Variants in DIS3L2 observed in about 807,000 individuals in gnomAD.
DIS3L2 encodes the protein DIS3 like 3'-5' exoribonuclease 2, also known as DIS3-like exonuclease 2.
A neutral mutation model predicts 97.5 loss-of-function variants in DIS3L2; 34 were observed. The ratio of observed to expected loss-of-function variants is 0.35; its 90% CI spans 0.27 to 0.46. The LOEUF is 0.46. Ranked by LOEUF, DIS3L2 falls within the 20% of genes least tolerant of loss-of-function variation. The pLI is 1.00. For synonymous variants in DIS3L2, 435 were observed against 445.2 expected (o/e 0.98, Z 0.29); for missense variants, 1,038 against 1,146.0 (o/e 0.91, Z 1.36).
At chr2:232,194,367 A>G (rs983990417) in intron 9 of DIS3L2, among the ~76,000 whole-genome samples, 1 of 152,142 alleles carries the variant, frequency 6.6e-6, no homozygotes, top group African/African-American at 2.4e-5. Flanking sequence ...AAAAGAGTAA[A>G]GTCTAGAAGA....
intron 9 of DIS3L2, among the ~76,000 whole-genome samples, chr2:232,200,463 G>A (rs1466660499): frequency 2.0e-5 from 3 of 152,280 alleles, no homozygotes; most frequent in African/African-American, 2.4e-5. Flanking sequence ...TACAGCTTGT[G>A]AGACTTGCCA....
intron 5 of DIS3L2, among the ~76,000 whole-genome samples, chr2:232,065,087 CTTCT>C (rs1274942668): frequency 2.0e-5 from 3 of 151,192 alleles, no homozygotes; most frequent in Non-Finnish European, 4.5e-5. Flanking sequence ...TTCTCCTTTT[CTTCT>C]TTCTTCTTAA....
chr2:232,305,135 G>A (rs556140457), intron 14 of DIS3L2, among the ~76,000 whole-genome samples: 111 of 152,250 alleles, frequency 7.3e-4, no homozygotes, highest in Admixed American at 1.2e-3. Context: ...GAGTGCAGTG[G>A]CGCAAACTCA....
intron 11 of DIS3L2, among the ~76,000 whole-genome samples, chr2:232,245,437 C>T (rs1481137912): frequency 6.6e-6 from 1 of 152,202 alleles, no homozygotes. Flanking sequence ...TCACAGTGAC[C>T]CTGGCAGGAA....
At chr2:232,043,284 A>T (rs1263438589) in intron 5 of DIS3L2, among the ~76,000 whole-genome samples, 2 of 152,152 alleles carry the variant, frequency 1.3e-5, no homozygotes, top group Non-Finnish European at 2.9e-5. Context: ...AGAGCCAAGG[A>T]GGGCCACATT....
intron 13 of DIS3L2, among the ~76,000 whole-genome samples, chr2:232,266,178 G>C (rs1319518186): frequency 2.6e-5 from 4 of 152,202 alleles, no homozygotes; most frequent in Non-Finnish European, 4.4e-5. Context: ...CTCATATGAG[G>C]ATAGGGTATA....
chr2:232,255,235 C>G (rs1268965082), intron 12 of DIS3L2, among the ~76,000 whole-genome samples: 2 of 152,206 alleles, frequency 1.3e-5, no homozygotes, highest in Non-Finnish European at 2.9e-5. Context: ...ATCTCCGAAG[C>G]CTGTGTGGCC....
At chr2:232,158,010 A>T (rs1305608988) in intron 8 of DIS3L2, among the ~76,000 whole-genome samples, 1 of 152,058 alleles carries the variant, frequency 6.6e-6, no homozygotes, top group Non-Finnish European at 1.5e-5. Context: ...TTTTCCCTAG[A>T]TGCCCTTGTC....
chr2:232,205,107 C>T (rs1447570813), intron 9 of DIS3L2, among the ~76,000 whole-genome samples: 4 of 151,876 alleles, frequency 2.6e-5, no homozygotes, highest in Non-Finnish European at 5.9e-5. Flanking sequence ...TTTCTGTCTT[C>T]CAGCATCCCC....
intron 7 of DIS3L2, among the ~76,000 whole-genome samples, chr2:232,132,425 G>A (rs372459637): frequency 3.9e-5 from 6 of 152,210 alleles, no homozygotes; most frequent in South Asian, 2.1e-4. Context: ...CTCCCACTGA[G>A]GATAACTGTA....
intron 13 of DIS3L2, among the ~76,000 whole-genome samples, chr2:232,278,308 C>CT (rs144220790): frequency 0.022 from 3,312 of 152,174 alleles, 115 homozygotes; most frequent in African/African-American, 0.074. Flanking sequence ...GCTAAAAGCA[C>CT]TTTTTTCCCT....
At chr2:232,026,307 T>C (rs535990462) in intron 4 of DIS3L2, among the ~76,000 whole-genome samples, 1 of 152,244 alleles carries the variant, frequency 6.6e-6, no homozygotes, top group Non-Finnish European at 1.5e-5. Context: ...TACACCTTCA[T>C]ATACCTGAGT....
intron 8 of DIS3L2, among the ~76,000 whole-genome samples, chr2:232,141,754 T>G (rs1378294083): frequency 2.0e-5 from 3 of 152,180 alleles, no homozygotes; most frequent in Non-Finnish European, 4.4e-5. Flanking sequence ...GTCTCCTAGC[T>G]TTTCACCTTG....
At chr2:232,135,672 A>T (rs1028328115) in intron 7 of DIS3L2, among the ~76,000 whole-genome samples, 1 of 151,904 alleles carries the variant, frequency 6.6e-6, no homozygotes, top group Non-Finnish European at 1.5e-5. Flanking sequence ...GGTGCACTCA[A>T]TTGGTTTGGA....
intron 5 of DIS3L2, among the ~76,000 whole-genome samples, chr2:232,069,113 G>A (rs533870190): frequency 6.6e-6 from 1 of 152,190 alleles, no homozygotes; most frequent in South Asian, 2.1e-4. Flanking sequence ...CACCGAGTCT[G>A]GCCTGAGCTT....
At chr2:232,033,942 GTC>G (rs1441560923) in intron 5 of DIS3L2, among the ~76,000 whole-genome samples, 1 of 152,044 alleles carries the variant, frequency 6.6e-6, no homozygotes, top group Admixed American at 6.6e-5. Context: ...TTTTTGTTGT[GTC>G]TCTGCTGGGT....
At chr2:232,124,360 A>G (rs1373320669) in intron 6 of DIS3L2, among the ~76,000 whole-genome samples, 1 of 152,200 alleles carries the variant, frequency 6.6e-6, no homozygotes, top group East Asian at 1.9e-4. Flanking sequence ...GAAACCAAAA[A>G]ATCCTTCTAG....
intron 8 of DIS3L2, among the ~76,000 whole-genome samples, chr2:232,149,297 C>T (rs1230406559): frequency 1.4e-5 from 2 of 145,076 alleles, no homozygotes; most frequent in African/African-American, 2.6e-5. Context: ...GCTGCACCCA[C>T]TAATGTGTCA....
chr2:232,309,626 G>T (rs142433882), intron 14 of DIS3L2, among the ~76,000 whole-genome samples: 2 of 151,846 alleles, frequency 1.3e-5, no homozygotes, highest in African/African-American at 2.4e-5. Context: ...TTACAGGCCC[G>T]CACAATGGCT....
Sources: gnomAD v4.1 joint callset for allele counts (sites outside exome capture counted in the v4.1 genomes callset) on GRCh38, gnomAD v4.1.1 for gene constraint, MANE v1.5 for transcripts, NCBI Gene and HGNC (gene_info 2026-07-23, HGNC 2026-07-21) for gene names.